SSBP3: variants seen among roughly 807,000 people sequenced by gnomAD.
The protein encoded by SSBP3 is single-stranded DNA-binding protein 3.
In SSBP3, 5 loss-of-function variants were observed where a neutral mutation model predicts 69.6. The observed-to-expected ratio is 0.07, with a 90% CI of 0.04 to 0.15. The LOEUF (loss-of-function observed/expected upper bound fraction) is 0.15, where lower values mean the gene tolerates loss of function less well. Ranked by LOEUF, SSBP3 falls within the 10% of genes least tolerant of loss-of-function variation. The pLI is 1.00. For missense variants in SSBP3, 312 were observed against 534.0 expected, an observed-to-expected ratio of 0.58 and a Z score of 4.10; for synonymous variants, 196 against 193.4, an observed-to-expected ratio of 1.01 and a Z score of -0.11.
intron 4 of SSBP3, among the ~76,000 whole-genome samples, chr1:54,353,095 G>C (rs981351564): frequency 6.6e-6 from 1 of 152,188 alleles, no homozygotes; most frequent in African/African-American, 2.4e-5. Context: ...CTGCACGGGG[G>C]CTCCAGCTGC....
At chr1:54,240,800 T>G in intron 13 of SSBP3, 105 bp downstream of exon 13, 1 of 1,451,754 alleles carries the variant, frequency 6.9e-7, no homozygotes. Flanking sequence ...CAGGAAGGAG[T>G]GGCTGGTAAG....
chr1:54,311,027 C>A (rs1400878764), intron 4 of SSBP3, among the ~76,000 whole-genome samples: 1 of 152,214 alleles, frequency 6.6e-6, no homozygotes, highest in African/African-American at 2.4e-5. Context: ...GGCTTGATGT[C>A]TTCCAAGCCA....
intron 4 of SSBP3, among the ~76,000 whole-genome samples, chr1:54,313,297 A>G (rs1646037538): frequency 6.6e-6 from 1 of 151,982 alleles, no homozygotes; most frequent in Admixed American, 6.6e-5. Context: ...TCGCCAGACA[A>G]TGGAAGGCAG....
chr1:54,381,816 C>A (rs1447213180), intron 4 of SSBP3, among the ~76,000 whole-genome samples: 1 of 152,248 alleles, frequency 6.6e-6, no homozygotes, highest in African/African-American at 2.4e-5. Context: ...CCCCACAATC[C>A]CCTGAGGGGA....
chr1:54,326,084 A>T (rs1021655034), intron 4 of SSBP3, among the ~76,000 whole-genome samples: 1 of 152,098 alleles, frequency 6.6e-6, no homozygotes, highest in African/African-American at 2.4e-5. Flanking sequence ...TGCTGATGGC[A>T]GCAGCAGCCG....
intron 13 of SSBP3, among the ~76,000 whole-genome samples, chr1:54,240,061 TGTGTGTGTGTGTGTGTGTGTGTGTGTGC>T (rs1434506098): frequency 0.098 from 2,914 of 29,886 alleles, 85 homozygotes; most frequent in South Asian, 0.33. Flanking sequence ...TGTGTGTGTG[TGTGTGTGTGTGTGTGTGTGTGTGTGTGC>T]GCGCGCGCGC....
intron 14 of SSBP3, chr1:54,237,767 A>G (rs1644524524): frequency 1.0e-5 from 2 of 197,358 alleles, no homozygotes; most frequent in Admixed American, 5.5e-5. Context: ...CACCGTCTAG[A>G]CAAAAAGCCC....
intron 1 of SSBP3, 25 bp from the exon 2 acceptor site, chr1:54,404,955 A>T: frequency 6.2e-7 from 1 of 1,604,922 alleles, no homozygotes; most frequent in Non-Finnish European, 8.5e-7. Flanking sequence ...GGGGGCAAAG[A>T]GAGAGAGGGA....
intron 4 of SSBP3, among the ~76,000 whole-genome samples, chr1:54,355,233 A>C (rs1646844381): frequency 6.6e-6 from 1 of 152,272 alleles, no homozygotes; most frequent in Non-Finnish European, 1.5e-5. Flanking sequence ...GGCACACAGC[A>C]GACATGAGGC....
chr1:54,369,497 G>C (rs977053157), intron 4 of SSBP3, among the ~76,000 whole-genome samples: 1 of 152,086 alleles, frequency 6.6e-6, no homozygotes, highest in Non-Finnish European at 1.5e-5. Flanking sequence ...GAAGAGTTAT[G>C]TGATCAAAAA....
At chr1:54,316,662 AAATAAATAAATAAATAAAT>A (rs1646110674) in intron 4 of SSBP3, among the ~76,000 whole-genome samples, 23 of 26,470 alleles carry the variant, frequency 8.7e-4, no homozygotes, top group East Asian at 2.6e-3. Flanking sequence ...AAAAAAAATA[AAATAAATAAATAAATAAAT>A]AAATAAATAA....
chr1:54,256,496 A>G (rs1305597065), intron 7 of SSBP3, among the ~76,000 whole-genome samples: 1 of 152,026 alleles, frequency 6.6e-6, no homozygotes, highest in Non-Finnish European at 1.5e-5. Flanking sequence ...CTAATGGGCC[A>G]GCGTAAGGCA....
intron 4 of SSBP3, among the ~76,000 whole-genome samples, chr1:54,328,342 G>A (rs1466994651): frequency 6.6e-6 from 1 of 152,216 alleles, no homozygotes; most frequent in African/African-American, 2.4e-5. Flanking sequence ...TGAGGCAGGA[G>A]GCTGAGGTGA....
At chr1:54,316,730 A>T (rs945439299) in intron 4 of SSBP3, among the ~76,000 whole-genome samples, 1 of 150,280 alleles carries the variant, frequency 6.7e-6, no homozygotes, top group African/African-American at 2.4e-5. Flanking sequence ...AAAATAAAAT[A>T]AAAATGTCTT....
chr1:54,406,818 G>A (rs1234940925), upstream of SSBP3, among the ~76,000 whole-genome samples: 1 of 97,572 alleles, frequency 1.0e-5, no homozygotes, highest in Non-Finnish European at 2.1e-5. Flanking sequence ...CTCCCGCCCC[G>A]TCCCTCTCCC....
At chr1:54,377,824 G>T (rs917952716) in intron 4 of SSBP3, among the ~76,000 whole-genome samples, 1 of 152,092 alleles carries the variant, frequency 6.6e-6, no homozygotes, top group Non-Finnish European at 1.5e-5. Context: ...TAACAAAAAC[G>T]CATATGAAGA....
chr1:54,320,306 A>AT (rs943512116), intron 4 of SSBP3, among the ~76,000 whole-genome samples: 3 of 152,310 alleles, frequency 2.0e-5, no homozygotes, highest in Non-Finnish European at 4.4e-5. Flanking sequence ...GCAAAGGCAG[A>AT]TTATACCAAA....
intron 4 of SSBP3, among the ~76,000 whole-genome samples, chr1:54,289,298 C>T (rs1206214591): frequency 2.0e-5 from 3 of 150,644 alleles, no homozygotes; most frequent in African/African-American, 7.3e-5. Context: ...TGTGTCTGCA[C>T]ACACATGTGT....
In SSBP3 at chr1:54,276,608, CAAAAAAAAAAA is replaced by C. The variant is rs746933473; in HGVS notation, c.366+4819_366+4829del. 8.5e-5 allele frequency among the ~76,000 whole-genome samples: 3 copies of C among 35,224 alleles called. 1 individual carries two copies. Among genetic ancestry groups the C allele is most frequent in the African/African-American group, 4.5e-4 (3 of 6,694 alleles). 23.1% of individuals were successfully genotyped at this position (35,224 alleles called of 152,430 possible). A position where few individuals can be genotyped will look rare whatever the true frequency, so the allele number is the denominator to read the frequency against. ...TGGGTGACAGAGTGAGACTCTGTCT[CAAAAAAAAAAA>C]AAAAAAAAAAAAAAGGTGTCAGCTA... On this transcript the variant is annotated intron_variant, in intron 5 of 17. Transcript: ENST00000610401.
Sources: gnomAD v4.1 joint callset for allele counts (sites outside exome capture counted in the v4.1 genomes callset) on GRCh38, gnomAD v4.1.1 for gene constraint, MANE v1.5 for transcripts, NCBI Gene and HGNC (gene_info 2026-07-23, HGNC 2026-07-21) for gene names.